The following LIMCH1 variants were observed in gnomAD, a reference collection of about 807,000 sequenced individuals.
LIMCH1 encodes the protein LIM and calponin homology domains 1.
Under a neutral mutation model 176.5 loss-of-function variants are expected in LIMCH1, and 113 were observed. The observed-to-expected ratio is 0.64, with a 90% confidence interval of 0.55 to 0.75. The LOEUF is 0.75. Among genes scored for constraint, LIMCH1 ranks in the 30% least tolerant of loss-of-function variants. The pLI is 0.00. For missense variants in LIMCH1, 1,674 were observed against 1,814.9 expected, an observed-to-expected ratio of 0.92 and a Z score of 1.41; for synonymous variants, 619 against 645.9, an observed-to-expected ratio of 0.96 and a Z score of 0.63.
intron 1 of LIMCH1, among the ~76,000 whole-genome samples, chr4:41,577,649 G>C (rs1050634189): frequency 6.6e-6 from 1 of 152,054 alleles, no homozygotes. Flanking sequence ...AGGCTGTCTT[G>C]AACTCCTGGG....
chr4:41,449,050 G>A (rs767239513), intron 1 of LIMCH1, among the ~76,000 whole-genome samples: 4 of 151,166 alleles, frequency 2.6e-5, no homozygotes, highest in South Asian at 4.2e-4. Context: ...TTCTCCACAC[G>A]CCCCTGTGAC....
intron 1 of LIMCH1, among the ~76,000 whole-genome samples, chr4:41,378,510 A>G (rs1490920067): frequency 6.6e-6 from 1 of 152,202 alleles, no homozygotes; most frequent in Admixed American, 6.5e-5. Context: ...TTTTTAATGG[A>G]GTTTAGATTT....
At chr4:41,527,984 AT>A (rs2076858931) in intron 3 of LIMCH1, among the ~76,000 whole-genome samples, 1 of 152,206 alleles carries the variant, frequency 6.6e-6, no homozygotes, top group Admixed American at 6.5e-5. Flanking sequence ...AATTAGGGAA[AT>A]TTGAATATAA....
intron 1 of LIMCH1, among the ~76,000 whole-genome samples, chr4:41,408,871 T>G (rs2059229577): frequency 6.6e-6 from 1 of 152,236 alleles, no homozygotes; most frequent in South Asian, 2.1e-4. Flanking sequence ...CATAGAATCT[T>G]CTAGCACTTA....
chr4:41,528,476 G>T (rs2076921267), intron 3 of LIMCH1, among the ~76,000 whole-genome samples: 1 of 152,204 alleles, frequency 6.6e-6, no homozygotes, highest in African/African-American at 2.4e-5. Flanking sequence ...TGCAGCCTTT[G>T]TGTGAGGGTA....
chr4:41,426,178 C>T (rs950269874), intron 1 of LIMCH1, among the ~76,000 whole-genome samples: 7 of 151,342 alleles, frequency 4.6e-5, no homozygotes, highest in African/African-American at 1.2e-4. Context: ...CCCGCCACTA[C>T]GCCCGGCTAA....
chr4:41,676,969 C>A (rs922813793), intron 23 of LIMCH1, among the ~76,000 whole-genome samples: 1 of 151,950 alleles, frequency 6.6e-6, no homozygotes, highest in African/African-American at 2.4e-5. Context: ...TGGAGACCAG[C>A]CTGGCCAACA....
At chr4:41,494,576 C>T (rs748333768) in exon 2 of LIMCH1, 1 of 1,612,640 alleles carries the variant, frequency 6.2e-7, no homozygotes, top group Non-Finnish European at 8.5e-7. Context: ...GATTTTCGGA[C>T]AGGTTTAGAA....
chr4:41,420,059 CTTCTACT>C, intron 1 of LIMCH1, among the ~76,000 whole-genome samples: 2 of 152,094 alleles, frequency 1.3e-5, no homozygotes, highest in Middle Eastern at 3.4e-3. Context: ...TGAGGGGGGC[CTTCTACT>C]CTTAATTGGG....
intron 15 of LIMCH1, among the ~76,000 whole-genome samples, chr4:41,644,923 G>T (rs1282446464): frequency 6.6e-6 from 1 of 152,136 alleles, no homozygotes; most frequent in South Asian, 2.1e-4. Context: ...TATCTTCTGA[G>T]GTTATATATT....
chr4:41,508,318 A>C (rs1044065116), intron 2 of LIMCH1, among the ~76,000 whole-genome samples: 2 of 152,200 alleles, frequency 1.3e-5, no homozygotes, highest in Non-Finnish European at 2.9e-5. Context: ...AAGACAAAAA[A>C]TAATTTTGGT....
At chr4:41,476,789 A>G (rs1274099340) in intron 1 of LIMCH1, among the ~76,000 whole-genome samples, 1 of 152,192 alleles carries the variant, frequency 6.6e-6, no homozygotes, top group African/African-American at 2.4e-5. Flanking sequence ...GATTATTTCA[A>G]GCTGGATTCT....
chr4:41,551,963 T>C (rs1428072477), intron 1 of LIMCH1, among the ~76,000 whole-genome samples: 1 of 152,142 alleles, frequency 6.6e-6, no homozygotes, highest in Non-Finnish European at 1.5e-5. Context: ...CAAGACTGGA[T>C]AATTTATAAA....
intron 1 of LIMCH1, among the ~76,000 whole-genome samples, chr4:41,419,604 GTCCTTCCT>G (rs771746018): frequency 0.023 from 1,077 of 47,194 alleles, 70 homozygotes; most frequent in African/African-American, 0.094. Flanking sequence ...CCTTCCTTCC[GTCCTTCCT>G]TCCTTCCTTC....
intron 1 of LIMCH1, among the ~76,000 whole-genome samples, chr4:41,401,206 G>A (rs1319298560): frequency 1.3e-5 from 2 of 152,146 alleles, no homozygotes; most frequent in East Asian, 1.9e-4. Context: ...ATTAATTTTT[G>A]TATAAAGTGT....
intron 1 of LIMCH1, among the ~76,000 whole-genome samples, chr4:41,384,259 C>T (rs906963377): frequency 2.0e-5 from 3 of 151,662 alleles, no homozygotes; most frequent in Non-Finnish European, 2.9e-5. Context: ...GGCTGGAGTG[C>T]AGTGGTGCGA....
At chr4:41,693,129 T>A (rs1727593562) in intron 31 of LIMCH1, 1 of 152,234 alleles carries the variant, frequency 6.6e-6, no homozygotes, top group Admixed American at 6.5e-5. Context: ...TTCCTCATTC[T>A]CCATCATGAG....
At chr4:41,514,218 G>C (rs144772157) in intron 2 of LIMCH1, among the ~76,000 whole-genome samples, 1 of 152,014 alleles carries the variant, frequency 6.6e-6, no homozygotes, top group East Asian at 1.9e-4. Flanking sequence ...TTACACTAGA[G>C]CTAGAGTTAC....
At position 41,583,969 on chromosome 4, in the gene LIMCH1, G is replaced by A. The variant is rs557516934; in HGVS notation, c.-240-14951G>A. Among the ~76,000 whole-genome samples, 12 of 152,100 alleles carry A rather than the reference G, an allele frequency of 7.9e-5. No individual in the cohort carries two copies. In the South Asian group the frequency reaches 2.5e-3, roughly 32 times the overall value. On this transcript the variant is annotated intron_variant, in intron 1 of 31. Transcript: ENST00000503057. ...TGTTTCCTTTCTGGCTGACTTTTTA[G>A]CCTTCTCAGTAGAGAGGTTGTGATC...
Sources: allele counts gnomAD v4.1 joint callset (sites outside exome capture counted in the v4.1 genomes callset), GRCh38; gene constraint gnomAD v4.1.1; transcripts MANE v1.5; gene names NCBI Gene and HGNC (gene_info 2026-07-23, HGNC 2026-07-21).